The following KLHL29 variants were observed in gnomAD, a reference collection of about 807,000 sequenced individuals.
KLHL29 encodes the protein kelch-like protein 29.
KLHL29 carries 21 observed loss-of-function variants against 80.4 expected under a neutral mutation model. The ratio of observed to expected loss-of-function variants is 0.26; its 90% CI spans 0.19 to 0.38. KLHL29 has a LOEUF of 0.38. Among genes scored for constraint, KLHL29 ranks in the 10% least tolerant of loss-of-function variants. KLHL29 has a pLI of 1.00. For missense variants in KLHL29, 867 were observed against 1,223.9 expected (o/e 0.71, Z 4.35); for synonymous variants, 511 against 526.8 (o/e 0.97, Z 0.41).
chr2:23,681,084 C>A lies in KLHL29; in HGVS notation c.941-3315C>A, dbSNP rs1671072171. On this transcript the variant is annotated intron_variant, in intron 5 of 13. Coordinates refer to ENST00000486442, the MANE Select transcript of KLHL29 (RefSeq NM_052920.2). This position sits in a 1 kb window ranked among gnomAD's most constrained non-coding sequence, Gnocchi z 4.2. The stretch of plus-strand genomic sequence containing the variant: ...TGTGCCCAGCGGGTCCTGGTGTCCC[C>A]TTGTGGATTCTGGGTCTCCCCACCG... Among the ~76,000 whole-genome samples the A allele has an allele frequency of 6.6e-6, 1 of 152,192 alleles. No homozygotes were observed. The highest frequency in any genetic ancestry group is 6.5e-5 in the Admixed American group (1 of 15,286).
chr2:23,500,575 C>T (rs1665410051), intron 2 of KLHL29, among the ~76,000 whole-genome samples: 2 of 152,148 alleles, frequency 1.3e-5, no homozygotes, highest in South Asian at 4.1e-4. Context: ...CTCCTGATAG[C>T]AGTGACATGA....
intron 3 of KLHL29, among the ~76,000 whole-genome samples, chr2:23,606,616 T>A (rs1668735986): frequency 6.6e-6 from 1 of 152,248 alleles, no homozygotes; most frequent in East Asian, 1.9e-4. Flanking sequence ...AGGGAACAAA[T>A]CATTCACTGC....
chr2:23,637,643 C>T (rs1321042042), intron 3 of KLHL29, among the ~76,000 whole-genome samples: 4 of 152,150 alleles, frequency 2.6e-5, no homozygotes, highest in Non-Finnish European at 2.9e-5. Flanking sequence ...CTTACATAGG[C>T]GCTGTGTGTC....
At chr2:23,499,444 C>A (rs1028320023) in intron 2 of KLHL29, among the ~76,000 whole-genome samples, 1 of 152,126 alleles carries the variant, frequency 6.6e-6, no homozygotes, top group South Asian at 2.1e-4. Context: ...TGAATAGATA[C>A]TTATGTTCTT....
intron 1 of KLHL29, among the ~76,000 whole-genome samples, chr2:23,402,575 G>A (rs1666621026): frequency 1.3e-5 from 2 of 151,904 alleles, no homozygotes; most frequent in Admixed American, 1.3e-4. Flanking sequence ...AGACTGCTCT[G>A]CCCAGCTGTG....
At position 23,654,696 on chromosome 2, in the gene KLHL29, TGG is replaced by T. The variant is rs796647247; in HGVS notation, c.940+11857_940+11858del. Reference sequence around the variant, plus strand: ...TTCTCTTCCAGAAGGGAACAGAGGTTGGGGGGGGGGGGTGGATGTTTTGTATG... The same window carrying T: ...TTCTCTTCCAGAAGGGAACAGAGGTTGGGGGGGGGGTGGATGTTTTGTATG... On this transcript the variant is annotated intron_variant, in intron 5 of 13. Coordinates refer to ENST00000486442, the MANE Select transcript of KLHL29 (RefSeq NM_052920.2). Among the ~76,000 whole-genome samples the T allele has an allele frequency of 5.8e-4, 38 of 65,682 alleles. 2 individuals carry two copies. Among genetic ancestry groups the T allele is most frequent in the African/African-American group, 1.5e-3 (38 of 25,396 alleles). The allele number at this position is 65,682 out of a possible 152,430, so 43.1% of individuals were successfully genotyped here. A position where few individuals can be genotyped will look rare whatever the true frequency, so the allele number is the denominator to read the frequency against.
chr2:23,409,421 A>G (rs538743285), intron 1 of KLHL29, among the ~76,000 whole-genome samples: 2 of 152,212 alleles, frequency 1.3e-5, no homozygotes, highest in East Asian at 3.9e-4. Flanking sequence ...CCCCACACAG[A>G]CGGCTTGTGA....
At chr2:23,537,771 G>A (rs953260029) in intron 2 of KLHL29, among the ~76,000 whole-genome samples, 8 of 152,154 alleles carry the variant, frequency 5.3e-5, no homozygotes, top group African/African-American at 1.9e-4. Flanking sequence ...AGGGCTCAGG[G>A]CAGCTGGCAC....
intron 3 of KLHL29, among the ~76,000 whole-genome samples, chr2:23,610,973 AG>A (rs1171824565): frequency 6.6e-6 from 1 of 152,204 alleles, no homozygotes; most frequent in Non-Finnish European, 1.5e-5. Flanking sequence ...GCCCACATGG[AG>A]CTTACCTTCA....
chr2:23,486,928 C>CA lies in KLHL29; in HGVS notation c.-46+11263dup, dbSNP rs568684237. ...GCCAAGTGCCCAAGGCTGTGCTAAGCAACTTGCATGCACTTTCTCGTGGAA... is the reference window on the plus strand; with the variant it reads ...GCCAAGTGCCCAAGGCTGTGCTAAGCAAACTTGCATGCACTTTCTCGTGGAA... On this transcript the variant is annotated intron_variant, in intron 2 of 13. Transcript: ENST00000486442. Among the ~76,000 whole-genome samples the CA allele has an allele frequency of 1.1e-4, 16 of 152,316 alleles. No homozygotes were observed. The South Asian group carries it at 3.1e-3, about 30-fold the overall frequency.
chr2:23,670,869 G>C (rs970020333), intron 5 of KLHL29, among the ~76,000 whole-genome samples: 1 of 141,696 alleles, frequency 7.1e-6, no homozygotes, highest in East Asian at 2.2e-4. Context: ...AGACCATGAA[G>C]GGCACAGAGT....
intron 5 of KLHL29, among the ~76,000 whole-genome samples, chr2:23,649,177 C>T (rs1323529374): frequency 6.6e-6 from 1 of 152,188 alleles, no homozygotes; most frequent in East Asian, 1.9e-4. Flanking sequence ...CTGAATGGCT[C>T]ACAACATGGA....
intron 5 of KLHL29, among the ~76,000 whole-genome samples, chr2:23,660,937 AG>A (rs1353056727): frequency 1.3e-5 from 2 of 152,144 alleles, no homozygotes; most frequent in Non-Finnish European, 2.9e-5. Context: ...AGGCTGAGGC[AG>A]GAGAATCACT....
intron 1 of KLHL29, among the ~76,000 whole-genome samples, chr2:23,439,814 A>T (rs1419806338): frequency 1.3e-5 from 2 of 152,138 alleles, no homozygotes; most frequent in Non-Finnish European, 1.5e-5. Context: ...AGTTCTGTAG[A>T]TGTCTATTAG....
In KLHL29 at chr2:23,695,495, A is replaced by G. The variant is rs1351153492; in HGVS notation, c.1543-128A>G. ...TCACCTCTGTCTAGGCTAGCAGAGTATCTACACTCCCAAGCCTAACACAGC... is the reference window on the plus strand; with the variant it reads ...TCACCTCTGTCTAGGCTAGCAGAGTGTCTACACTCCCAAGCCTAACACAGC... On this transcript the variant is annotated intron_variant, in intron 8 of 13. Coordinates refer to ENST00000486442, the MANE Select transcript of KLHL29 (RefSeq NM_052920.2). The surrounding 1 kb of genome is among the most constrained non-coding windows in gnomAD (Gnocchi z 7.6). 6 of 693,084 alleles carry G rather than the reference A, an allele frequency of 8.7e-6. No individual in the cohort carries two copies. Among genetic ancestry groups the G allele is most frequent in the African/African-American group, 1.8e-5 (1 of 55,442 alleles). 42.9% of individuals were successfully genotyped at this position (693,084 alleles called of 1,614,324 possible).
chr2:23,410,299 G>A (rs12986598), intron 1 of KLHL29, among the ~76,000 whole-genome samples: 1 of 151,248 alleles, frequency 6.6e-6, no homozygotes, highest in Non-Finnish European at 1.5e-5. Flanking sequence ...TGAGGGGATG[G>A]TGCATGTGGA....
At chr2:23,573,530 G>T (rs377251850) in intron 3 of KLHL29, among the ~76,000 whole-genome samples, 1 of 152,318 alleles carries the variant, frequency 6.6e-6, no homozygotes, top group South Asian at 2.1e-4. Context: ...AGCTGGCTGC[G>T]TACAGGTTCG....
chr2:23,468,194 C>G (rs1034997623), intron 1 of KLHL29, among the ~76,000 whole-genome samples: 2 of 152,000 alleles, frequency 1.3e-5, no homozygotes, highest in Non-Finnish European at 2.9e-5. Context: ...GGTGGGCAGA[C>G]GTGGTCATTG....
At chr2:23,502,320 C>T (rs905174242) in intron 2 of KLHL29, among the ~76,000 whole-genome samples, 2 of 152,250 alleles carry the variant, frequency 1.3e-5, no homozygotes, top group Non-Finnish European at 2.9e-5. Flanking sequence ...TCTGCATAAT[C>T]AGCATCGAAC....
Sources: gnomAD v4.1 joint callset for allele counts (sites outside exome capture counted in the v4.1 genomes callset) on GRCh38, gnomAD v4.1.1 for gene constraint, Gnocchi (gnomAD v3.1) non-coding constraint, MANE v1.5 for transcripts, NCBI Gene and HGNC (gene_info 2026-07-23, HGNC 2026-07-21) for gene names.